PCDHA9: variants seen among roughly 807,000 people sequenced by gnomAD.
PCDHA9 encodes the protein protocadherin alpha-9.
Under a neutral mutation model 62.0 loss-of-function variants are expected in PCDHA9, and 62 were observed. The observed-to-expected ratio is 1.00, with a 90% CI of 0.81 to 1.23. The LOEUF is 1.23. PCDHA9 is among the 50% of genes most tolerant of loss of function. PCDHA9 has a pLI of 0.00. For missense variants in PCDHA9, 1,205 were observed against 1,249.8 expected (o/e 0.96, Z 0.54); for synonymous variants, 557 against 567.6 (o/e 0.98, Z 0.27).
At chr5:140,873,963 T>G (rs1048862313) in intron 1 of PCDHA9, among the ~76,000 whole-genome samples, 2 of 152,206 alleles carry the variant, frequency 1.3e-5, no homozygotes, top group East Asian at 3.8e-4. Flanking sequence ...GCCCAGCCTA[T>G]TTTTTAAAAT....
intron 1 of PCDHA9, among the ~76,000 whole-genome samples, chr5:140,906,117 C>A (rs1554192403): frequency 6.6e-6 from 1 of 152,180 alleles, no homozygotes; most frequent in Non-Finnish European, 1.5e-5. Flanking sequence ...AGTCCACTGA[C>A]ACAAATGTTA....
intron 3 of PCDHA9, among the ~76,000 whole-genome samples, chr5:140,996,581 A>C (rs1554255228): frequency 6.6e-6 from 1 of 152,118 alleles, no homozygotes; most frequent in Non-Finnish European, 1.5e-5. Flanking sequence ...ATTTGTTAAC[A>C]AGGGCCGCCT....
At position 140,883,117 on chromosome 5, in the gene PCDHA9, G is replaced by T. The variant is rs782191143; in HGVS notation, c.2394+32228G>T. Reference sequence around the variant, plus strand: ...GAGATATAGTTTACTCATTTAGAAGGCCTGTATGGCCTGCAGTGGTATATG... The same window carrying T: ...GAGATATAGTTTACTCATTTAGAAGTCCTGTATGGCCTGCAGTGGTATATG... On this transcript the variant is annotated intron_variant, in intron 1 of 3. Transcript: ENST00000532602. 2.5e-6 allele frequency: 4 copies of T among 1,613,898 alleles called. No homozygotes were observed. Among genetic ancestry groups the T allele is most frequent in the Admixed American group, 3.3e-5 (2 of 59,964 alleles).
chr5:140,944,569 G>A (rs2093670092), intron 1 of PCDHA9, among the ~76,000 whole-genome samples: 1 of 152,158 alleles, frequency 6.6e-6, no homozygotes, highest in African/African-American at 2.4e-5. Context: ...GCAACTTACT[G>A]TAGAGATCAC....
intron 2 of PCDHA9, 148 bp from the exon 3 acceptor site, chr5:140,982,327 C>T: frequency 7.0e-7 from 1 of 1,419,146 alleles, no homozygotes; most frequent in Non-Finnish European, 9.4e-7. Context: ...AGGGTGACTG[C>T]TCAGCAGTAA....
chr5:140,946,277 A>G (rs1055326524), intron 1 of PCDHA9, among the ~76,000 whole-genome samples: 5 of 152,186 alleles, frequency 3.3e-5, no homozygotes, highest in Admixed American at 1.3e-4. Context: ...TAAAACCCCA[A>G]TGAGATATCA....
At chr5:141,004,117 G>A (rs2098153806) in intron 3 of PCDHA9, among the ~76,000 whole-genome samples, 1 of 152,236 alleles carries the variant, frequency 6.6e-6, no homozygotes. Flanking sequence ...TCAAAAGGGA[G>A]TATCTCCATG....
At chr5:140,922,980 A>G (rs2081098580) in intron 1 of PCDHA9, among the ~76,000 whole-genome samples, 1 of 152,244 alleles carries the variant, frequency 6.6e-6, no homozygotes, top group African/African-American at 2.4e-5. Flanking sequence ...TATCTCAGAC[A>G]ATAGGCAAGC....
At chr5:140,925,923 C>CT (rs111894943) in intron 1 of PCDHA9, among the ~76,000 whole-genome samples, 7,061 of 152,174 alleles carry the variant, frequency 0.046, 290 homozygotes, top group African/African-American at 0.11. Context: ...GCAAAGCACT[C>CT]CCAAGTAGAG....
chr5:140,926,325 T>C (rs1441503834), intron 1 of PCDHA9: 1 of 151,866 alleles, frequency 6.6e-6, no homozygotes, highest in African/African-American at 2.4e-5. Flanking sequence ...TGCGCCGGGG[T>C]CAGAGCGCCG....
intron 1 of PCDHA9, among the ~76,000 whole-genome samples, chr5:140,898,214 T>C (rs1285649893): frequency 1.3e-5 from 2 of 152,238 alleles, no homozygotes; most frequent in African/African-American, 4.8e-5. Flanking sequence ...TTTGTCAATT[T>C]TGGCTTTTGT....
intron 1 of PCDHA9, chr5:140,851,823 G>C (rs1554145549): frequency 1.0e-6 from 1 of 962,982 alleles, no homozygotes; most frequent in Non-Finnish European, 1.3e-6. Flanking sequence ...ACAGAAATCT[G>C]TTTTTTTAAA....
intron 1 of PCDHA9, among the ~76,000 whole-genome samples, chr5:140,907,969 A>C (rs1355560411): frequency 1.3e-5 from 2 of 152,204 alleles, no homozygotes; most frequent in African/African-American, 4.8e-5. Flanking sequence ...CCAATTTTCC[A>C]ATCATGCTTC....
intron 1 of PCDHA9, among the ~76,000 whole-genome samples, chr5:140,925,742 AAG>A (rs1403200881): frequency 2.0e-5 from 3 of 151,862 alleles, no homozygotes; most frequent in South Asian, 4.2e-4. Context: ...TATTTACAGA[AAG>A]AAAATTTACA....
intron 1 of PCDHA9, among the ~76,000 whole-genome samples, chr5:140,901,864 C>G (rs782513656): frequency 4.6e-4 from 70 of 152,126 alleles, no homozygotes; most frequent in Non-Finnish European, 5.7e-4. Flanking sequence ...TTTGTGTCCT[C>G]TTCAATTTCT....
chr5:141,006,646 A>G (rs1478861419), intron 3 of PCDHA9, among the ~76,000 whole-genome samples: 1 of 152,206 alleles, frequency 6.6e-6, no homozygotes, highest in African/African-American at 2.4e-5. Flanking sequence ...ATAAGAGATG[A>G]TGGTGTCCTG....
chr5:140,988,418 G>T (rs1372180292), intron 3 of PCDHA9, among the ~76,000 whole-genome samples: 2 of 152,150 alleles, frequency 1.3e-5, no homozygotes, highest in Non-Finnish European at 2.9e-5. Context: ...CTTATGTAAA[G>T]AATTTGTTTG....
At chr5:140,902,185 TTC>T (rs370111655) in intron 1 of PCDHA9, among the ~76,000 whole-genome samples, 3 of 150,766 alleles carry the variant, frequency 2.0e-5, no homozygotes, top group South Asian at 2.1e-4. Flanking sequence ...CCTTTATGTC[TTC>T]TCTCTCTCTC....
At chr5:140,926,519 C>T (rs2083298131) in intron 1 of PCDHA9, 1 of 204,364 alleles carries the variant, frequency 4.9e-6, no homozygotes, top group Non-Finnish European at 9.7e-6. Flanking sequence ...AGGCTCCGCC[C>T]TGCGCCCGCA....
Sources: allele counts gnomAD v4.1 joint callset (sites outside exome capture counted in the v4.1 genomes callset), GRCh38; gene constraint gnomAD v4.1.1; transcripts MANE v1.5; gene names NCBI Gene and HGNC (gene_info 2026-07-23, HGNC 2026-07-21).